Variants in ST8SIA3 observed in about 807,000 individuals in gnomAD.
ST8SIA3 encodes alpha-N-acetylneuraminate alpha-2,8-sialyltransferase ST8SIA3.
ST8SIA3 carries 17 observed loss-of-function variants against 34.5 expected under a neutral mutation model. That is an observed-to-expected ratio of 0.49 (90% CI 0.34 to 0.74). The LOEUF (loss-of-function observed/expected upper bound fraction) is 0.74, where lower values mean the gene tolerates loss of function less well. Ranked by LOEUF, ST8SIA3 falls within the 30% of genes least tolerant of loss-of-function variation. The pLI is 0.01. For missense variants in ST8SIA3, 354 were observed against 467.8 expected (o/e 0.76, Z 2.24); for synonymous variants, 172 against 176.1 (o/e 0.98, Z 0.19).
intron 3 of ST8SIA3, among the ~76,000 whole-genome samples, chr18:57,359,112 G>T (rs574237736): frequency 1.3e-5 from 2 of 152,182 alleles, no homozygotes; most frequent in East Asian, 3.9e-4. Context: ...AAAATACATG[G>T]GTTCAATGAA....
chr18:57,367,177 T>C lies in ST8SIA3; in HGVS notation c.*6900T>C, dbSNP rs2049865415. On this transcript the variant is annotated 3_prime_UTR_variant, in exon 4 of 4. Coordinates refer to ENST00000324000, the MANE Select transcript of ST8SIA3 (RefSeq NM_015879.3). ...TTAGATCATGAAGGACCAAATCTAC[T>C]TCCGTTGCTATAATAAAATACCCTA... 2 of 152,230 alleles carry C rather than the reference T, an allele frequency of 1.3e-5. No individual in the cohort carries two copies. Among genetic ancestry groups the C allele is most frequent in the South Asian group, 4.1e-4 (2 of 4,822 alleles). The allele number at this position is 152,230 out of a possible 1,614,324, so 9.4% of individuals were successfully genotyped here.
At chr18:57,359,909 C>G in intron 3 of ST8SIA3, 86 bp from the exon 4 acceptor site, 1 of 1,216,712 alleles carries the variant, frequency 8.2e-7, no homozygotes, top group Non-Finnish European at 1.2e-6. Context: ...AGTAACAAAT[C>G]CACTACCCAG....
Position 57,352,875 on chromosome 18 carries a change from C to T in ST8SIA3, c.29C>T (p.Ala10Val), listed in dbSNP as rs1390184921. Residue 10 changes from alanine (A) to valine (V), a missense_variant, in exon 1 of 4, where the codon GCC becomes GTC. This residue lies in a region of ST8SIA3 where 184 missense variants were observed against 205.4 expected (regional missense o/e 0.90). Coordinates refer to ENST00000324000, the MANE Select transcript of ST8SIA3 (RefSeq NM_015879.3). MRNCKMARV[A>V]SVLGLVMLSV... ...AGAAACTGCAAAATGGCCCGGGTCG[C>T]CAGTGTGCTGGGGCTGGTCATGCTC... 1.7e-5 allele frequency: 27 copies of T among 1,613,732 alleles called. No individual in the cohort carries two copies. Among genetic ancestry groups the T allele is most frequent in the Non-Finnish European group, 2.0e-5 (24 of 1,179,988 alleles).
chr18:57,355,934 T>G (rs1364545132), intron 2 of ST8SIA3, among the ~76,000 whole-genome samples: 1 of 152,208 alleles, frequency 6.6e-6, no homozygotes, highest in Non-Finnish European at 1.5e-5. Flanking sequence ...TTTTGAAGAA[T>G]GAAGTCATTT....
chr18:57,364,322 A>G lies in ST8SIA3; in HGVS notation c.*4045A>G, dbSNP rs1056597246. 5.3e-5 allele frequency: 8 copies of G among 152,076 alleles called. No individual in the cohort carries two copies. Among genetic ancestry groups the G allele is most frequent in the Non-Finnish European group, 1.0e-4 (7 of 68,012 alleles). The allele number at this position is 152,076 out of a possible 1,614,324, so 9.4% of individuals were successfully genotyped here. Reference sequence around the variant, plus strand: ...TTGTGTTCTTCTCCATATATATACAACTTTCATCGGGGTCCCTTGAGTTAA... The same window carrying G: ...TTGTGTTCTTCTCCATATATATACAGCTTTCATCGGGGTCCCTTGAGTTAA... On this transcript the variant is annotated 3_prime_UTR_variant, in exon 4 of 4. Coordinates refer to ENST00000324000, the MANE Select transcript of ST8SIA3 (RefSeq NM_015879.3).
chr18:57,354,041 A>G (rs537331406), intron 1 of ST8SIA3, among the ~76,000 whole-genome samples: 1 of 152,358 alleles, frequency 6.6e-6, no homozygotes, highest in Admixed American at 6.5e-5. Flanking sequence ...ATGGGGCTGC[A>G]AAGGCGTAGC....
In ST8SIA3 at chr18:57,366,497, C is replaced by G. The variant is rs1305624149; in HGVS notation, c.*6220C>G. On this transcript the variant is annotated 3_prime_UTR_variant, in exon 4 of 4. Coordinates refer to ENST00000324000, the MANE Select transcript of ST8SIA3 (RefSeq NM_015879.3). ...TATAGTTCATCACTTGTTTCCCCAA[C>G]TTTGTCATTTTCCCTATCCACTTGC... The G allele has an allele frequency of 1.3e-5, 2 of 152,190 alleles. No homozygotes were observed. The highest frequency in any genetic ancestry group is 1.3e-4 in the Admixed American group (2 of 15,254). 9.4% of individuals were successfully genotyped at this position (152,190 alleles called of 1,614,324 possible).
chr18:57,360,088 G>A lies in ST8SIA3; in HGVS notation c.954G>A (p.Leu318=), dbSNP rs2049821815. Residue 318 remains leucine, a synonymous_variant, in exon 4 of 4, where the codon TTG becomes TTA. Transcript: ENST00000324000. ...CAGCAATATGTGAAGAGATCCACTTGTATGGATTTTGGCCGTTTGGATTTG... is the reference window on the plus strand; with the variant it reads ...CAGCAATATGTGAAGAGATCCACTTATATGGATTTTGGCCGTTTGGATTTG... ...LASAICEEIH[L]YGFWPFGFDP... 6.2e-7 allele frequency: 1 copy of A among 1,614,156 alleles called. No homozygotes were observed. Among genetic ancestry groups the A allele is most frequent in the Non-Finnish European group, 8.5e-7 (1 of 1,179,996 alleles).
rs1053403877 is a variant in ST8SIA3 at position 57,361,757 on chromosome 18, C to G, written c.*1480C>G. On this transcript the variant is annotated 3_prime_UTR_variant, in exon 4 of 4. Coordinates refer to ENST00000324000, the MANE Select transcript of ST8SIA3 (RefSeq NM_015879.3). Reference sequence around the variant, plus strand: ...GTTAAATTTTAATAAGAGTTTCTTTCTTCTTTCCAAATGCCAGTCAAGCAT... The same window carrying G: ...GTTAAATTTTAATAAGAGTTTCTTTGTTCTTTCCAAATGCCAGTCAAGCAT... 5 of 152,176 alleles carry G rather than the reference C, an allele frequency of 3.3e-5. No individual in the cohort carries two copies. Among genetic ancestry groups the G allele is most frequent in the African/African-American group, 9.7e-5 (4 of 41,050 alleles). The allele number at this position is 152,176 out of a possible 1,614,324, so 9.4% of individuals were successfully genotyped here. A position where few individuals can be genotyped will look rare whatever the true frequency, so the allele number is the denominator to read the frequency against.
At position 57,361,585 on chromosome 18, in the gene ST8SIA3, T is replaced by G. The variant is rs774168684; in HGVS notation, c.*1308T>G. ...TGGCAAGAGTTGGAATCCAAGATTA[T>G]GTAGACCTGCGATGAAGGAAGTAGC... On this transcript the variant is annotated 3_prime_UTR_variant, in exon 4 of 4. Transcript: ENST00000324000. The G allele has an allele frequency of 6.6e-6, 1 of 152,650 alleles. No homozygotes were observed. Among genetic ancestry groups the G allele is most frequent in the Non-Finnish European group, 1.5e-5 (1 of 68,036 alleles). 9.5% of individuals were successfully genotyped at this position (152,650 alleles called of 1,614,324 possible).
intron 3 of ST8SIA3, among the ~76,000 whole-genome samples, chr18:57,359,636 C>G (rs765960352): frequency 3.9e-5 from 6 of 152,178 alleles, no homozygotes; most frequent in Non-Finnish European, 7.4e-5. Flanking sequence ...AGCCACACCA[C>G]TCTTTAGAAA....
rs2049858484 is a variant in ST8SIA3 at position 57,366,023 on chromosome 18, T to C, written c.*5746T>C. 1 of 152,184 alleles carries C rather than the reference T, an allele frequency of 6.6e-6. No homozygotes were observed. The highest frequency in any genetic ancestry group is 1.5e-5 in the Non-Finnish European group (1 of 68,036). 9.4% of individuals were successfully genotyped at this position (152,184 alleles called of 1,614,324 possible). On this transcript the variant is annotated 3_prime_UTR_variant, in exon 4 of 4. Transcript: ENST00000324000. ...ACCAATTTCTATGGTGTAAATACTCTCATCTCAGCCAATTTCAGGCTACTA... is the reference window on the plus strand; with the variant it reads ...ACCAATTTCTATGGTGTAAATACTCCCATCTCAGCCAATTTCAGGCTACTA...
In ST8SIA3 at chr18:57,357,138, T is replaced by C; in HGVS notation, c.528T>C (p.Cys176=). 6.2e-7 allele frequency: 1 copy of C among 1,614,088 alleles called. No individual in the cohort carries two copies. The highest frequency in any genetic ancestry group is 8.5e-7 in the Non-Finnish European group (1 of 1,179,978). Reference sequence around the variant, plus strand: ...GTGGGATCCTGACAGGGAGCCAGTGTGGACAAGAAATAGATAAATCAGATT... The same window carrying C: ...GTGGGATCCTGACAGGGAGCCAGTGCGGACAAGAAATAGATAAATCAGATT... ...GNSGILTGSQ[C]GQEIDKSDFV... The change falls in exon 3 of 4, where the codon TGT becomes TGC. Residue 176 remains cysteine (C), a synonymous_variant. Coordinates refer to ENST00000324000, the MANE Select transcript of ST8SIA3 (RefSeq NM_015879.3).
Position 57,352,769 on chromosome 18 carries a change from C to CACACAT in ST8SIA3, c.-77_-76insCACATA, listed in dbSNP as rs758843003. 5.6e-5 allele frequency: 57 copies of CACACAT among 1,024,876 alleles called. No homozygotes were observed. Among genetic ancestry groups the CACACAT allele is most frequent in the Admixed American group, 7.4e-5 (4 of 53,886 alleles). The allele number at this position is 1,024,876 out of a possible 1,614,324, so 63.5% of individuals were successfully genotyped here. A position where few individuals can be genotyped will look rare whatever the true frequency, so the allele number is the denominator to read the frequency against. On this transcript the variant is annotated 5_prime_UTR_variant, in exon 1 of 4. Transcript: ENST00000324000. ...ACACACACACACACACACACACACACATATATACACGCCAGCGAGCTGCTG... is the reference window on the plus strand; with the variant it reads ...ACACACACACACACACACACACACACACACATATATATACACGCCAGCGAGCTGCTG...
intron 3 of ST8SIA3, 74 bp from the exon 4 acceptor site, chr18:57,359,921 C>A: frequency 7.5e-7 from 1 of 1,331,558 alleles, no homozygotes; most frequent in Non-Finnish European, 1.1e-6. Context: ...ACTACCCAGC[C>A]CAGTCAGATA....
In ST8SIA3 at chr18:57,352,763, CACACACATATATACA is replaced by C; in HGVS notation, c.-83_-69del. 2.1e-6 allele frequency: 2 copies of C among 968,636 alleles called. No homozygotes were observed. The highest frequency in any genetic ancestry group is 3.1e-6 in the Non-Finnish European group (2 of 644,062). 60.0% of individuals were successfully genotyped at this position (968,636 alleles called of 1,614,324 possible). ...ACACACACACACACACACACACACA[CACACACATATATACA>C]CGCCAGCGAGCTGCTGGCCGCTCAA... On this transcript the variant is annotated 5_prime_UTR_variant, in exon 1 of 4. Coordinates refer to ENST00000324000, the MANE Select transcript of ST8SIA3 (RefSeq NM_015879.3).
At chr18:57,354,367 C>A (rs1431901815) in intron 1 of ST8SIA3, 35 bp from the exon 2 acceptor site, 1 of 1,612,932 alleles carries the variant, frequency 6.2e-7, no homozygotes. Context: ...CGAGCTGAGG[C>A]CAGCACGCTT....
rs12955738 is a variant in ST8SIA3, at chr18:57,367,868, A to T, written c.*7591A>T. The T allele has an allele frequency of 0.053, 8,119 of 152,766 alleles. 670 individuals are homozygous for T. The highest frequency in any genetic ancestry group is 0.38 in the East Asian group (1,966 of 5,174). 9.5% of individuals were successfully genotyped at this position (152,766 alleles called of 1,614,324 possible). ...GGGAGGAGTTGAGTAACAGGCTGAG[A>T]TCCGGTCACCAAGCATCATTAGTTA... is the stretch of plus-strand genomic sequence containing the variant. On this transcript the variant is annotated 3_prime_UTR_variant, in exon 4 of 4. Coordinates refer to ENST00000324000, the MANE Select transcript of ST8SIA3 (RefSeq NM_015879.3).
rs574365409 is a variant in ST8SIA3, at chr18:57,366,477, T to C, written c.*6200T>C. The C allele has an allele frequency of 1.3e-5, 2 of 152,328 alleles. No individual in the cohort carries two copies. Among genetic ancestry groups the C allele is most frequent in the South Asian group, 2.1e-4 (1 of 4,830 alleles). The allele number at this position is 152,328 out of a possible 1,614,324, so 9.4% of individuals were successfully genotyped here. ...TTTTTTAAAAAATCTATACCTATAG[T>C]TCATCACTTGTTTCCCCAACTTTGT... On this transcript the variant is annotated 3_prime_UTR_variant, in exon 4 of 4. Coordinates refer to ENST00000324000, the MANE Select transcript of ST8SIA3 (RefSeq NM_015879.3).
Sources: allele counts gnomAD v4.1 joint callset (sites outside exome capture counted in the v4.1 genomes callset), GRCh38; gene constraint gnomAD v4.1.1; regional missense constraint gnomAD v4.1.1; transcripts MANE v1.5; gene names NCBI Gene and HGNC (gene_info 2026-07-23, HGNC 2026-07-21).